The following XCR1 variants were observed in gnomAD, a reference collection of about 807,000 sequenced individuals.
XCR1 encodes the protein chemokine XC receptor 1.
For missense variants in XCR1, 356 were observed against 424.2 expected (o/e 0.84, Z 1.41); for synonymous variants, 187 against 188.5 (o/e 0.99, Z 0.06).
chr3:46,040,199 T>C (rs1697515295), intron 5 of XCR1, among the ~76,000 whole-genome samples: 1 of 152,302 alleles, frequency 6.6e-6, no homozygotes, highest in South Asian at 2.1e-4. Flanking sequence ...TCTTACTGTA[T>C]AGGAAACGGA....
In XCR1 at chr3:46,018,737, T is replaced by A. The variant is rs979622463; in HGVS notation, c.*2209A>T. On this transcript the variant is annotated 3_prime_UTR_variant, in exon 2 of 2. Coordinates refer to ENST00000309285, the MANE Select transcript of XCR1 (RefSeq NM_001024644.2). ...TGGCAAATAGATCATTGAAGTTGCA[T>A]CTGGAACTGAAGGGGAAATGCCTTA... 1 of 152,232 alleles carries A rather than the reference T, an allele frequency of 6.6e-6. No individual in the cohort carries two copies. Among genetic ancestry groups the A allele is most frequent in the Non-Finnish European group, 1.5e-5 (1 of 68,050 alleles). 9.4% of individuals were successfully genotyped at this position (152,232 alleles called of 1,614,324 possible).
Position 46,021,569 on chromosome 3 carries a change from G to C in XCR1, c.379C>G (p.Arg127Gly), listed in dbSNP as rs151337542. Residue 127 changes from arginine to glycine, a missense_variant, in exon 2 of 2, where the codon CGC (arginine) becomes GGC (glycine). Arg to Gly is a moderately radical substitution (Grantham distance 125). Coordinates refer to ENST00000309285, the MANE Select transcript of XCR1 (RefSeq NM_001024644.2). The surrounding 1 kb of genome is among the most constrained non-coding windows in gnomAD (Gnocchi z 4.7). Reference protein sequence around the residue: ...IFFLTIMTIHRYLSVVSPLST... With the variant: ...IFFLTIMTIHGYLSVVSPLST... ...AGGGGGCTCACTACCGACAGGTAGC[G>C]GTGGATGGTCATGATGGTCAGGAAG... is the stretch of plus-strand genomic sequence containing the variant. 1.2e-6 allele frequency: 2 copies of C among 1,611,116 alleles called. No individual in the cohort carries two copies. Among genetic ancestry groups the C allele is most frequent in the South Asian group, 1.1e-5 (1 of 90,696 alleles).
rs550865227 is a variant in XCR1 at position 46,019,696 on chromosome 3, A to T, written c.*1250T>A. On this transcript the variant is annotated 3_prime_UTR_variant, in exon 2 of 2. Transcript: ENST00000309285. ...GGCTTAGAGTGGAATAAGAATGGAAAAGTTGGCTGGCATCGGATTGTGGAG... is the reference window on the plus strand; with the variant it reads ...GGCTTAGAGTGGAATAAGAATGGAATAGTTGGCTGGCATCGGATTGTGGAG... 6.6e-6 allele frequency: 1 copy of T among 152,468 alleles called. No homozygotes were observed. The highest frequency in any genetic ancestry group is 2.4e-5 in the African/African-American group (1 of 41,568). 9.4% of individuals were successfully genotyped at this position (152,468 alleles called of 1,614,324 possible). A position where few individuals can be genotyped will look rare whatever the true frequency, so the allele number is the denominator to read the frequency against.
At chr3:46,075,437 T>C (rs1457735977) in intron 2 of XCR1, among the ~76,000 whole-genome samples, 1 of 151,842 alleles carries the variant, frequency 6.6e-6, no homozygotes, top group East Asian at 1.9e-4. Flanking sequence ...CTATAAAACT[T>C]TAAGAAGAAA....
intron 1 of XCR1, chr3:46,023,782 G>A: frequency 6.5e-7 from 1 of 1,542,902 alleles, no homozygotes; most frequent in Non-Finnish European, 8.9e-7. Flanking sequence ...AGCCCCAGAA[G>A]ATGATAAAAC....
chr3:46,077,056 C>G (rs1698272340), intron 1 of XCR1, among the ~76,000 whole-genome samples: 1 of 152,130 alleles, frequency 6.6e-6, no homozygotes, highest in Non-Finnish European at 1.5e-5. Flanking sequence ...CCTCTTGAAG[C>G]CACTTGCTGT....
chr3:46,063,837 T>A (rs1430192687), intron 4 of XCR1, among the ~76,000 whole-genome samples: 11 of 152,238 alleles, frequency 7.2e-5, no homozygotes, highest in Admixed American at 7.2e-4. Flanking sequence ...CACTGTTGTT[T>A]ATCTGCTTAT....
chr3:46,078,590 C>G (rs1698302987), intron 1 of XCR1, among the ~76,000 whole-genome samples: 1 of 152,184 alleles, frequency 6.6e-6, no homozygotes, highest in Non-Finnish European at 1.5e-5. Flanking sequence ...AGGTCTGGGT[C>G]CAGGCATTGG....
chr3:46,074,214 CTTTTT>C (rs35124592), intron 3 of XCR1, among the ~76,000 whole-genome samples: 60 of 86,668 alleles, frequency 6.9e-4, no homozygotes, highest in Non-Finnish European at 4.0e-4. Context: ...TGAAGGCCAT[CTTTTT>C]TTTTTTTTTT....
rs1708076374 is a variant in XCR1, at chr3:46,018,059, C to T, written c.*2887G>A. 1 of 152,168 alleles carries T rather than the reference C, an allele frequency of 6.6e-6. No individual in the cohort carries two copies. Among genetic ancestry groups the T allele is most frequent in the Admixed American group, 6.5e-5 (1 of 15,272 alleles). The allele number at this position is 152,168 out of a possible 1,614,324, so 9.4% of individuals were successfully genotyped here. ...TCATACTTCTCTTTGTGCCTCTTCC[C>T]TTGGGTTCTTGAGGAGCTAGATTAG... On this transcript the variant is annotated 3_prime_UTR_variant, in exon 2 of 2. Coordinates refer to ENST00000309285, the MANE Select transcript of XCR1 (RefSeq NM_001024644.2).
In XCR1 at chr3:46,020,953, A is replaced by T; in HGVS notation, c.995T>A (p.Phe332Tyr). The change falls in exon 2 of 2, where the codon TTC becomes TAC. Residue 332 changes from phenylalanine (F) to tyrosine (Y), a missense_variant. Coordinates refer to ENST00000309285, the MANE Select transcript of XCR1 (RefSeq NM_001024644.2). ...TGCACCGCCACAGGCCCCTCAGTAG[A>T]AGGAGGCGCCCTCATAGGCGAAGGC... ...PGAFAYEGAS[F>Y]Y The T allele has an allele frequency of 6.2e-7, 1 of 1,611,992 alleles. No individual in the cohort carries two copies. Among genetic ancestry groups the T allele is most frequent in the South Asian group, 1.1e-5 (1 of 90,748 alleles).
upstream of XCR1, among the ~76,000 whole-genome samples, chr3:46,032,409 C>G (rs1164531839): frequency 6.6e-6 from 1 of 152,234 alleles, no homozygotes; most frequent in Non-Finnish European, 1.5e-5. Context: ...CCTGGAGCTG[C>G]CCACCCCACA....
chr3:46,021,140 GC>G lies in XCR1; in HGVS notation c.807del (p.Leu270SerfsTer29). On this transcript the variant is annotated frameshift_variant, in exon 2 of 2. Transcript: ENST00000309285. LOFTEE classifies it low-confidence loss of function (END_TRUNC). This position sits in a 1 kb window ranked among gnomAD's most constrained non-coding sequence, Gnocchi z 4.7. ...CEAKQQLEYALLICRNLAFSH... is the reference protein window; with the variant it reads ...CEAKQQLEYAXLICRNLAFSH... ...GAGAAGGCGAGGTTGCGGCAGATGA[GC>G]AGGGCGTATTCTAGCTGCTGTTTGG... is the stretch of plus-strand genomic sequence containing the variant. The G allele has an allele frequency of 1.2e-6, 2 of 1,614,280 alleles. No homozygotes were observed. The highest frequency in any genetic ancestry group is 1.7e-6 in the Non-Finnish European group (2 of 1,180,054).
intron 3 of XCR1, among the ~76,000 whole-genome samples, chr3:46,071,971 C>T (rs1250629488): frequency 1.3e-5 from 2 of 151,982 alleles, no homozygotes; most frequent in Non-Finnish European, 2.9e-5. Flanking sequence ...AGGAATGAGG[C>T]AAGAGAAACA....
chr3:46,052,777 C>T (rs1697772939), intron 5 of XCR1, among the ~76,000 whole-genome samples: 1 of 152,212 alleles, frequency 6.6e-6, no homozygotes, highest in Non-Finnish European at 1.5e-5. Flanking sequence ...TAAAGGTTAG[C>T]ATTTCTGCAG....
upstream of XCR1, among the ~76,000 whole-genome samples, chr3:46,028,451 G>T (rs926910803): frequency 6.6e-6 from 1 of 150,788 alleles, no homozygotes; most frequent in Non-Finnish European, 1.5e-5. Context: ...TTATTAAATT[G>T]TAAGAGTTAT....
At chr3:46,081,399 T>G (rs1304889058) in intron 1 of XCR1, among the ~76,000 whole-genome samples, 1 of 152,216 alleles carries the variant, frequency 6.6e-6, no homozygotes, top group African/African-American at 2.4e-5. Context: ...CGTGACTAGA[T>G]GAAGGAACTT....
intron 5 of XCR1, among the ~76,000 whole-genome samples, chr3:46,040,882 A>G (rs574498924): frequency 3.3e-5 from 5 of 152,340 alleles, no homozygotes; most frequent in African/African-American, 1.2e-4. Context: ...TGATGTGTTC[A>G]TAAAGATTGC....
Position 46,047,966 on chromosome 3 carries a change from C to T in XCR1, c.-32+5954G>A, listed in dbSNP as rs1382397176. Among the ~76,000 whole-genome samples the T allele has an allele frequency of 2.0e-5, 3 of 152,226 alleles. 1 individual carries two copies. Among genetic ancestry groups the T allele is most frequent in the Middle Eastern group, 6.8e-3 (2 of 294 alleles). On this transcript the variant is annotated intron_variant, in intron 5 of 5. Coordinates refer to the XCR1 transcript ENST00000683768. The stretch of plus-strand genomic sequence containing the variant: ...TTCTGTATAGTCAGCACAATTAGGG[C>T]GACTGGGCCGGGAATGGTTGATTAG...
Sources: allele counts gnomAD v4.1 joint callset (sites outside exome capture counted in the v4.1 genomes callset), GRCh38; gene constraint gnomAD v4.1.1; non-coding constraint Gnocchi (gnomAD v3.1); transcripts MANE v1.5; gene names NCBI Gene and HGNC (gene_info 2026-07-23, HGNC 2026-07-21).